MTDH: variants seen among roughly 807,000 people sequenced by gnomAD.
MTDH encodes the protein metadherin.
In MTDH, 34 loss-of-function variants were observed where a neutral mutation model predicts 72.7. The observed-to-expected ratio is 0.47, with a 90% confidence interval of 0.36 to 0.62. MTDH has a LOEUF of 0.62. Ranked by LOEUF, MTDH falls within the 20% of genes least tolerant of loss-of-function variation. MTDH has a pLI of 0.00. For missense variants in MTDH, 677 were observed against 699.4 expected, an observed-to-expected ratio of 0.97 and a Z score of 0.36; for synonymous variants, 266 against 268.9, an observed-to-expected ratio of 0.99 and a Z score of 0.10.
intron 2 of MTDH, among the ~76,000 whole-genome samples, chr8:97,676,698 G>A (rs1406321466): frequency 6.6e-6 from 1 of 151,664 alleles, no homozygotes; most frequent in Non-Finnish European, 1.5e-5. Context: ...GTGAAACCTT[G>A]TCTCTACAAA....
chr8:97,717,499 G>A (rs1385230339), intron 9 of MTDH, among the ~76,000 whole-genome samples: 1 of 152,180 alleles, frequency 6.6e-6, no homozygotes. Flanking sequence ...AGAGTGGCAT[G>A]AGGCCCACGC....
chr8:97,695,947 G>A (rs866909652), intron 6 of MTDH, among the ~76,000 whole-genome samples: 13 of 152,252 alleles, frequency 8.5e-5, no homozygotes, highest in Middle Eastern at 3.4e-3. Context: ...TGCATTCGTG[G>A]CTCAGCTGTT....
At chr8:97,661,344 T>C (rs1289456691) in intron 2 of MTDH, among the ~76,000 whole-genome samples, 171 bp downstream of exon 2, 1 of 152,250 alleles carries the variant, frequency 6.6e-6, no homozygotes, top group Non-Finnish European at 1.5e-5. Context: ...GAGTTGTTTT[T>C]GTTTTTTTAA....
intron 1 of MTDH, among the ~76,000 whole-genome samples, chr8:97,651,276 G>A (rs756255721): frequency 2.6e-5 from 4 of 152,012 alleles, no homozygotes; most frequent in East Asian, 3.9e-4. Flanking sequence ...TTGAACTCAC[G>A]GCCAATAGCA....
intron 2 of MTDH, among the ~76,000 whole-genome samples, chr8:97,671,102 A>G (rs960820834): frequency 6.6e-6 from 1 of 151,656 alleles, no homozygotes; most frequent in African/African-American, 2.4e-5. Context: ...AGTAGCTGGG[A>G]CTACAGGCGC....
intron 2 of MTDH, among the ~76,000 whole-genome samples, chr8:97,684,374 C>T (rs765098216): frequency 6.6e-6 from 1 of 151,998 alleles, no homozygotes; most frequent in Non-Finnish European, 1.5e-5. Flanking sequence ...ATGTGGTTTG[C>T]ATTATATTTC....
At chr8:97,689,351 C>T (rs1343131528) in intron 5 of MTDH, among the ~76,000 whole-genome samples, 4 of 151,688 alleles carry the variant, frequency 2.6e-5, no homozygotes, top group South Asian at 4.2e-4. Flanking sequence ...ATTCAGTAGT[C>T]GCTTATATTG....
rs1257417667 is a variant in MTDH at position 97,687,592 on chromosome 8, CAAG to C, written c.738_740del (p.Lys246del). The C allele has an allele frequency of 1.9e-5, 31 of 1,606,146 alleles. No individual in the cohort carries two copies. The highest frequency in any genetic ancestry group is 2.6e-5 in the Non-Finnish European group (31 of 1,176,834). ...CAACCGCATCATTTCCTGTTGGTTC[CAAG>C]AAGAATAAAGGTATATTAGTGGAAC... On this transcript the variant is annotated inframe_deletion, in exon 4 of 12. Coordinates refer to ENST00000336273, the MANE Select transcript of MTDH (RefSeq NM_178812.4).
At chr8:97,703,025 C>T (rs780593735) in intron 7 of MTDH, among the ~76,000 whole-genome samples, 11 of 152,116 alleles carry the variant, frequency 7.2e-5, no homozygotes, top group Non-Finnish European at 1.5e-4. Flanking sequence ...TTTAAGGGAA[C>T]TATGTCTAAG....
chr8:97,679,070 C>T (rs1192643837), intron 2 of MTDH, among the ~76,000 whole-genome samples: 6 of 152,138 alleles, frequency 3.9e-5, no homozygotes, highest in Admixed American at 3.9e-4. Flanking sequence ...TTCCAGAGCA[C>T]GAGTACATGG....
At chr8:97,663,190 T>G (rs1177064302) in intron 2 of MTDH, among the ~76,000 whole-genome samples, 2 of 152,158 alleles carry the variant, frequency 1.3e-5, no homozygotes, top group African/African-American at 4.8e-5. Context: ...AAATTTGTAG[T>G]TGCAGTAATT....
At chr8:97,675,060 A>G (rs1018848113) in intron 2 of MTDH, among the ~76,000 whole-genome samples, 1 of 152,092 alleles carries the variant, frequency 6.6e-6, no homozygotes, top group Non-Finnish European at 1.5e-5. Context: ...TCCACCTGCT[A>G]CGGCCTCCCA....
intron 2 of MTDH, among the ~76,000 whole-genome samples, chr8:97,665,427 T>C (rs772903493): frequency 7.9e-5 from 12 of 152,252 alleles, no homozygotes; most frequent in Non-Finnish European, 1.5e-4. Flanking sequence ...TAATAGATGC[T>C]AAAGATAATA....
In MTDH at chr8:97,688,960, A is replaced by C. The variant is rs547322393; in HGVS notation, c.746-78A>C. On this transcript the variant is annotated intron_variant, in intron 4 of 11. Transcript: ENST00000336273. ...TTATAATAGATAATAATTAAAAATT[A>C]ATTTATGTGTTACTCCTAATTTAAT... The C allele has an allele frequency of 9.3e-5, 59 of 635,492 alleles. No individual in the cohort carries two copies. The South Asian group carries it at 2.0e-3, about 22-fold the overall frequency. The allele number at this position is 635,492 out of a possible 1,614,324, so 39.4% of individuals were successfully genotyped here.
chr8:97,664,433 C>T (rs908712990), intron 2 of MTDH, among the ~76,000 whole-genome samples: 5 of 151,556 alleles, frequency 3.3e-5, no homozygotes, highest in African/African-American at 1.2e-4. Context: ...TTCTTTTTAT[C>T]ATTTAACAGT....
chr8:97,654,703 C>G (rs1402362558), intron 1 of MTDH, among the ~76,000 whole-genome samples: 3 of 152,078 alleles, frequency 2.0e-5, no homozygotes, highest in African/African-American at 7.2e-5. Flanking sequence ...AGGTATTTGT[C>G]TTAATGCTCT....
In MTDH at chr8:97,670,712, T is replaced by C. The variant is rs528133235; in HGVS notation, c.483+9539T>C. ...AGTTGGCTCACAGTACCACAGGCTG[T>C]ACAGGAAGCATAGCAACATCTGCTT... On this transcript the variant is annotated intron_variant, in intron 2 of 11. Coordinates refer to ENST00000336273, the MANE Select transcript of MTDH (RefSeq NM_178812.4). 7.2e-5 allele frequency among the ~76,000 whole-genome samples: 11 copies of C among 152,248 alleles called. No homozygotes were observed. The South Asian group carries it at 1.4e-3, about 20-fold the overall frequency.
At chr8:97,685,522 G>A (rs548899877) in intron 2 of MTDH, among the ~76,000 whole-genome samples, 10 of 152,002 alleles carry the variant, frequency 6.6e-5, no homozygotes, top group Middle Eastern at 3.4e-3. Context: ...AGTACTTTGA[G>A]AGGCCACGGC....
rs1813478777 is a variant in MTDH, at chr8:97,689,046, C to T, written c.754C>T (p.His252Tyr). 1.3e-6 allele frequency: 2 copies of T among 1,563,348 alleles called. No individual in the cohort carries two copies. The highest frequency in any genetic ancestry group is 1.2e-5 in the South Asian group (1 of 85,556). Residue 252 changes from histidine (H) to tyrosine (Y), a missense_variant, in exon 5 of 12, where the codon CAT becomes TAT. By Grantham distance (83) the His-to-Tyr change is moderately conservative. Transcript: ENST00000336273. ...VGSKKNKGDS[H>Y]LNVQVSNFKS... ...ATTTCTATTTTAACCAGGTGATTCTCATCTAAATGTTCAAGTTAGCAACTT... is the reference window on the plus strand; with the variant it reads ...ATTTCTATTTTAACCAGGTGATTCTTATCTAAATGTTCAAGTTAGCAACTT...
Sources: gnomAD v4.1 joint callset for allele counts (sites outside exome capture counted in the v4.1 genomes callset) on GRCh38, gnomAD v4.1.1 for gene constraint, MANE v1.5 for transcripts, NCBI Gene and HGNC (gene_info 2026-07-23, HGNC 2026-07-21) for gene names.